The following SKIC3 variants were observed in gnomAD, a reference collection of about 807,000 sequenced individuals.
SKIC3 encodes SKI3 subunit of superkiller complex.
chr5:95,501,397 T>C, the SKIC3 span, among the ~76,000 whole-genome samples: 1 of 152,146 alleles, frequency 6.6e-6, no homozygotes, highest in Non-Finnish European at 1.5e-5. Flanking sequence ...CATAATGAAC[T>C]TAATCCTATT....
At chr5:95,515,584 C>T in the SKIC3 span, among the ~76,000 whole-genome samples, 1 of 152,050 alleles carries the variant, frequency 6.6e-6, no homozygotes, top group Non-Finnish European at 1.5e-5. Flanking sequence ...TACAATAAAA[C>T]CACATCCATA....
the SKIC3 span, chr5:95,494,853 C>G: frequency 6.3e-7 from 1 of 1,597,876 alleles, no homozygotes. Context: ...TTCAAACTGA[C>G]TAAAAGACTC....
chr5:95,532,979 A>AC, the SKIC3 span, among the ~76,000 whole-genome samples: 24 of 152,274 alleles, frequency 1.6e-4, no homozygotes, highest in Admixed American at 3.9e-4. Flanking sequence ...GGGGAAAAAA[A>AC]CCATGTACAA....
At chr5:95,541,606 A>G in the SKIC3 span, among the ~76,000 whole-genome samples, 1 of 152,058 alleles carries the variant, frequency 6.6e-6, no homozygotes, top group East Asian at 1.9e-4. Context: ...TTGACTGAAA[A>G]TAATGTCAAA....
At chr5:95,523,348 T>C in the SKIC3 span, 2 of 1,593,470 alleles carry the variant, frequency 1.3e-6, no homozygotes, top group Middle Eastern at 1.7e-4. Flanking sequence ...AAAATACTAA[T>C]ATTAGATATA....
At chr5:95,484,610 G>T in the SKIC3 span, 1 of 1,444,760 alleles carries the variant, frequency 6.9e-7, no homozygotes, top group Non-Finnish European at 9.6e-7. Flanking sequence ...GTCTCCCAAA[G>T]TGCCAGGAAT....
chr5:95,515,241 GATT>G, the SKIC3 span, among the ~76,000 whole-genome samples: 1 of 152,098 alleles, frequency 6.6e-6, no homozygotes, highest in Admixed American at 6.6e-5. Flanking sequence ...TGAAGGCAAT[GATT>G]AAATAAGGCT....
chr5:95,499,000 C>T, the SKIC3 span, among the ~76,000 whole-genome samples: 10 of 152,184 alleles, frequency 6.6e-5, no homozygotes, highest in African/African-American at 1.7e-4. Context: ...AAAGAGTCAC[C>T]AAACTAAACT....
At chr5:95,498,505 G>T in the SKIC3 span, 1 of 1,614,166 alleles carries the variant, frequency 6.2e-7, no homozygotes, top group South Asian at 1.1e-5. Context: ...ATTAAGTGCT[G>T]CTTTTGACAG....
the SKIC3 span, among the ~76,000 whole-genome samples, chr5:95,514,290 AT>A: frequency 6.6e-6 from 1 of 152,144 alleles, no homozygotes; most frequent in Non-Finnish European, 1.5e-5. Context: ...GAAAAGTGAT[AT>A]GCTAAGGTAA....
At chr5:95,502,818 A>G in the SKIC3 span, 34 of 1,602,084 alleles carry the variant, frequency 2.1e-5, no homozygotes, top group Admixed American at 1.0e-4. Flanking sequence ...CGCTTTCTCC[A>G]ATTCTCAACC....
the SKIC3 span, among the ~76,000 whole-genome samples, chr5:95,483,940 T>C: frequency 5.3e-5 from 8 of 152,086 alleles, no homozygotes; most frequent in Non-Finnish European, 1.2e-4. Flanking sequence ...TTTGGAAAAC[T>C]GAAGGGATAC....
the SKIC3 span, chr5:95,494,905 T>G: frequency 6.3e-7 from 1 of 1,595,228 alleles, no homozygotes; most frequent in Non-Finnish European, 8.6e-7. Context: ...AAAACTATTA[T>G]TCCTTCATCA....
At chr5:95,470,039 C>T in the SKIC3 span, 301 of 1,065,534 alleles carry the variant, frequency 2.8e-4, 1 homozygote, top group East Asian at 4.9e-4. Flanking sequence ...TGCAGTGGCG[C>T]GATCTCGGCT....
the SKIC3 span, among the ~76,000 whole-genome samples, chr5:95,537,842 GC>G: frequency 6.6e-6 from 1 of 152,104 alleles, no homozygotes; most frequent in Non-Finnish European, 1.5e-5. Context: ...ATACCAAAAA[GC>G]CATAATGTAA....
the SKIC3 span, chr5:95,506,928 G>A: frequency 6.2e-6 from 10 of 1,612,646 alleles, no homozygotes; most frequent in South Asian, 3.3e-5. Flanking sequence ...GAAAAAATAC[G>A]CTTACCATAA....
At chr5:95,547,592 A>C in the SKIC3 span, among the ~76,000 whole-genome samples, 1 of 152,112 alleles carries the variant, frequency 6.6e-6, no homozygotes, top group Non-Finnish European at 1.5e-5. Context: ...CTAGTATCTT[A>C]AATTATAGAT....
At chr5:95,507,876 C>T in the SKIC3 span, among the ~76,000 whole-genome samples, 416 of 150,888 alleles carry the variant, frequency 2.8e-3, 1 homozygote, top group South Asian at 3.5e-3. Flanking sequence ...CATTTTAAGC[C>T]TAAGGTGTAA....
At chr5:95,469,835 G>A in the SKIC3 span, 3 of 1,614,102 alleles carry the variant, frequency 1.9e-6, no homozygotes, top group African/African-American at 2.7e-5. Context: ...ACAGCCAGTG[G>A]ACAAAAGCAA....
Sources: allele counts gnomAD v4.1 joint callset (sites outside exome capture counted in the v4.1 genomes callset), GRCh38; gene constraint gnomAD v4.1.1; transcripts MANE v1.5; gene names NCBI Gene and HGNC (gene_info 2026-07-23, HGNC 2026-07-21).